Variants in PDE10A observed in about 807,000 individuals in gnomAD.
The protein encoded by PDE10A is cAMP and cAMP-inhibited cGMP 3',5'-cyclic phosphodiesterase 10A.
Under a neutral mutation model 97.7 loss-of-function variants are expected in PDE10A, and 39 were observed. The ratio of observed to expected loss-of-function variants is 0.40; its 90% CI spans 0.31 to 0.52. PDE10A has a LOEUF of 0.52. Among genes scored for constraint, PDE10A ranks in the 20% least tolerant of loss-of-function variants. The probability of loss-of-function intolerance (pLI) is 0.56; values close to 1 mark genes in which losing one functional copy is unlikely to be tolerated. For synonymous variants in PDE10A, 371 were observed against 376.8 expected, an observed-to-expected ratio of 0.98 and a Z score of 0.18; for missense variants, 731 against 1,047.8, an observed-to-expected ratio of 0.70 and a Z score of 4.17.
In PDE10A at chr6:165,336,170, G is replaced by A. The variant is rs1781633936; in HGVS notation, c.3018C>T (p.Thr1006=). The A allele has an allele frequency of 5.0e-6, 8 of 1,614,044 alleles. No individual in the cohort carries two copies. The highest frequency in any genetic ancestry group is 6.8e-6 in the Non-Finnish European group (8 of 1,179,966). Residue 1006 remains threonine (T), a synonymous_variant, in exon 21 of 22, where the codon ACC becomes ACT. Transcript: ENST00000539869. ...YNAVAIPCYT[T]LTQILPPTEP... is the part of the protein sequence containing the mutation. ...CCGTGGGAGGGAGGATCTGGGTAAG[G>A]GTTGTATAGCAGGGAATGGCCACGG... is the stretch of plus-strand genomic sequence containing the variant.
intron 1 of PDE10A, among the ~76,000 whole-genome samples, chr6:165,744,477 T>G (rs1792799739): frequency 6.6e-6 from 1 of 152,246 alleles, no homozygotes; most frequent in Admixed American, 6.5e-5. Flanking sequence ...TAAATAATAC[T>G]GATATTAATA....
Position 165,697,430 on chromosome 6 carries a change from C to T in PDE10A, c.-614-153862G>A, listed in dbSNP as rs369736696. Among the ~76,000 whole-genome samples, 30 of 152,280 alleles carry T rather than the reference C, an allele frequency of 2.0e-4. No homozygotes were observed. In the East Asian group the frequency reaches 5.4e-3, roughly 27 times the overall value. On this transcript the variant is annotated intron_variant, in intron 1 of 19. Coordinates refer to the PDE10A transcript ENST00000366882. ...AAAAAACTAAAGGCAAAATAAATAC[C>T]TTTTCAGACAAAGAAAAACATTCCA...
At chr6:165,579,736 C>T (rs1338863942) in intron 1 of PDE10A, among the ~76,000 whole-genome samples, 1 of 152,154 alleles carries the variant, frequency 6.6e-6, no homozygotes, top group Non-Finnish European at 1.5e-5. Context: ...TCATCTCACA[C>T]AGCGAAGGCC....
chr6:165,946,909 CA>C (rs1398273635), intron 1 of PDE10A: 5 of 152,150 alleles, frequency 3.3e-5, no homozygotes, highest in Non-Finnish European at 5.9e-5. Flanking sequence ...ATTTTATAAC[CA>C]TTTTTTTTTC....
chr6:165,849,480 T>C (rs969329561), intron 1 of PDE10A, among the ~76,000 whole-genome samples: 4 of 152,244 alleles, frequency 2.6e-5, no homozygotes, highest in Admixed American at 6.5e-5. Context: ...TGGGAGTAAT[T>C]ATCCCTCCAC....
At chr6:165,673,120 G>A (rs1039236984) in intron 1 of PDE10A, among the ~76,000 whole-genome samples, 1 of 152,134 alleles carries the variant, frequency 6.6e-6, no homozygotes, top group Non-Finnish European at 1.5e-5. Flanking sequence ...CCAGAAAGTA[G>A]TCACTAAATA....
chr6:165,630,983 A>G (rs1788602873), intron 1 of PDE10A, among the ~76,000 whole-genome samples: 1 of 152,188 alleles, frequency 6.6e-6, no homozygotes, highest in Non-Finnish European at 1.5e-5. Flanking sequence ...AGTGTAGTGA[A>G]TTTTATTTTA....
At chr6:165,482,133 A>G (rs892660348) in intron 3 of PDE10A, among the ~76,000 whole-genome samples, 182 bp downstream of exon 3, 27 of 152,214 alleles carry the variant, frequency 1.8e-4, no homozygotes, top group Non-Finnish European at 2.9e-4. Flanking sequence ...CTCAGTCTTG[A>G]GGCCTTCAAT....
rs145592116 is a variant in PDE10A at position 165,366,152 on chromosome 6, C to T, written c.2783+13042G>A. Among the ~76,000 whole-genome samples the T allele has an allele frequency of 2.8e-3, 421 of 152,218 alleles. 1 individual carries two copies. The highest frequency in any genetic ancestry group is 9.6e-3 in the African/African-American group (398 of 41,558). On this transcript the variant is annotated intron_variant, in intron 18 of 21. Coordinates refer to ENST00000539869, the MANE Select transcript of PDE10A (RefSeq NM_001385079.1). Reference sequence around the variant, plus strand: ...ATGATAAACATGATTTATCAAGATACATCAAATACTACCTTAAAAATTAAA... The same window carrying T: ...ATGATAAACATGATTTATCAAGATATATCAAATACTACCTTAAAAATTAAA...
At chr6:165,654,400 T>G (rs1000921832) in intron 1 of PDE10A, among the ~76,000 whole-genome samples, 1 of 151,548 alleles carries the variant, frequency 6.6e-6, no homozygotes, top group Non-Finnish European at 1.5e-5. Context: ...CACTCTCAGG[T>G]GGCCACAGTG....
chr6:165,801,761 T>C (rs1425834352), intron 1 of PDE10A, among the ~76,000 whole-genome samples: 1 of 152,220 alleles, frequency 6.6e-6, no homozygotes, highest in Non-Finnish European at 1.5e-5. Context: ...GGCTTTGAGC[T>C]TTTCATGTTT....
At chr6:165,809,784 AG>A (rs1360971811) in intron 1 of PDE10A, among the ~76,000 whole-genome samples, 2 of 152,188 alleles carry the variant, frequency 1.3e-5, no homozygotes, top group East Asian at 1.9e-4. Flanking sequence ...GGCACATGGA[AG>A]GCATATTAGC....
intron 1 of PDE10A, among the ~76,000 whole-genome samples, chr6:165,863,417 A>T (rs1780959055): frequency 6.6e-6 from 1 of 152,204 alleles, no homozygotes; most frequent in Non-Finnish European, 1.5e-5. Flanking sequence ...ATCACTAGAA[A>T]GAAGCATTCA....
intron 1 of PDE10A, among the ~76,000 whole-genome samples, chr6:165,786,735 C>G (rs112262069): frequency 1.1e-3 from 174 of 152,262 alleles, no homozygotes; most frequent in African/African-American, 4.0e-3. Context: ...AGGAACTTCT[C>G]TATTCCTGAA....
At chr6:165,563,870 G>A (rs1319195189) in intron 1 of PDE10A, among the ~76,000 whole-genome samples, 15 of 149,246 alleles carry the variant, frequency 1.0e-4, no homozygotes, top group South Asian at 6.4e-4. Flanking sequence ...CAGTCTGGGC[G>A]ACAGAGGGAG....
chr6:165,641,467 T>C (rs1295772167), intron 1 of PDE10A, among the ~76,000 whole-genome samples: 1 of 152,244 alleles, frequency 6.6e-6, no homozygotes, highest in Admixed American at 6.5e-5. Context: ...CTGAACTAAC[T>C]GAAATCACTA....
At chr6:165,600,786 C>A (rs1465973330) in intron 1 of PDE10A, among the ~76,000 whole-genome samples, 2 of 152,170 alleles carry the variant, frequency 1.3e-5, no homozygotes, top group African/African-American at 2.4e-5. Context: ...CTCAGCAGGA[C>A]CTGAAGGACC....
intron 1 of PDE10A, among the ~76,000 whole-genome samples, chr6:165,674,132 C>A (rs887209174): frequency 5.3e-5 from 8 of 152,130 alleles, no homozygotes; most frequent in African/African-American, 1.9e-4. Flanking sequence ...TCAAATCTTG[C>A]CTTTACCCCT....
chr6:165,959,404 T>G (rs368938228), intron 1 of PDE10A, among the ~76,000 whole-genome samples: 1 of 152,180 alleles, frequency 6.6e-6, no homozygotes, highest in Non-Finnish European at 1.5e-5. Flanking sequence ...TTTGTGAACA[T>G]ATAGGAAAAG....
Sources: allele counts gnomAD v4.1 joint callset (sites outside exome capture counted in the v4.1 genomes callset), GRCh38; gene constraint gnomAD v4.1.1; transcripts MANE v1.5; gene names NCBI Gene and HGNC (gene_info 2026-07-23, HGNC 2026-07-21).